STAB2: variants seen among roughly 807,000 people sequenced by gnomAD.
STAB2 encodes the protein stabilin-2.
A neutral mutation model predicts 338.1 loss-of-function variants in STAB2; 288 were observed. That is an observed-to-expected ratio of 0.85 (90% CI 0.77 to 0.94). The LOEUF (loss-of-function observed/expected upper bound fraction) is 0.94. STAB2 is among the 40% of genes least tolerant of loss of function. The pLI is 0.00. For synonymous variants in STAB2, 1,202 were observed against 1,193.3 expected (o/e 1.01, Z -0.15); for missense variants, 3,141 against 3,210.1 (o/e 0.98, Z 0.52).
At chr12:103,674,777 C>T (rs534718287) in intron 23 of STAB2, among the ~76,000 whole-genome samples, 2 of 152,212 alleles carry the variant, frequency 1.3e-5, no homozygotes, top group African/African-American at 2.4e-5. Flanking sequence ...TTGGTCCTCT[C>T]CTTGCACTGC....
At chr12:103,611,253 C>T (rs1401659962) in intron 3 of STAB2, among the ~76,000 whole-genome samples, 1 of 152,144 alleles carries the variant, frequency 6.6e-6, no homozygotes, top group Non-Finnish European at 1.5e-5. Flanking sequence ...TGTTAACTTT[C>T]TGTCTCGTTG....
chr12:103,678,633 TCTC>T (rs1291466529), intron 25 of STAB2, among the ~76,000 whole-genome samples: 1 of 152,132 alleles, frequency 6.6e-6, no homozygotes, highest in Non-Finnish European at 1.5e-5. Flanking sequence ...TTCATGCCAT[TCTC>T]CTGCCTCAGC....
intron 67 of STAB2, among the ~76,000 whole-genome samples, chr12:103,763,015 G>T (rs1884657767): frequency 1.3e-5 from 2 of 152,200 alleles, no homozygotes; most frequent in South Asian, 4.1e-4. Context: ...TAAAGGCTGT[G>T]GTGCAGAGCC....
At chr12:103,724,045 G>A (rs573254830) in intron 44 of STAB2, among the ~76,000 whole-genome samples, 1 of 152,202 alleles carries the variant, frequency 6.6e-6, no homozygotes, top group Non-Finnish European at 1.5e-5. Context: ...ACACTGCCAC[G>A]GACGGCAACA....
chr12:103,669,644 G>C lies in STAB2; in HGVS notation c.2259+17G>C, dbSNP rs376662696. On this transcript the variant is annotated intron_variant, in intron 21 of 68. Coordinates refer to ENST00000388887, the MANE Select transcript of STAB2 (RefSeq NM_017564.10). ...AATGGACAGGTGAATACTGAAGACT[G>C]GCCTTCCATAAGTCAAATCAAACAA... 2.4e-5 allele frequency: 38 copies of C among 1,606,668 alleles called. No homozygotes were observed. Among genetic ancestry groups the C allele is most frequent in the Non-Finnish European group, 3.1e-5 (36 of 1,173,914 alleles).
At chr12:103,677,298 T>C (rs1876471711) in intron 24 of STAB2, among the ~76,000 whole-genome samples, 155 bp from the exon 25 acceptor site, 1 of 152,252 alleles carries the variant, frequency 6.6e-6, no homozygotes, top group Non-Finnish European at 1.5e-5. Context: ...AATGACCTAA[T>C]CTTTTCATGA....
intron 44 of STAB2, among the ~76,000 whole-genome samples, chr12:103,722,813 G>T (rs1426110482): frequency 6.6e-6 from 1 of 152,142 alleles, no homozygotes; most frequent in African/African-American, 2.4e-5. Flanking sequence ...ATAGAGGGGA[G>T]GAAACCACTC....
intron 48 of STAB2, among the ~76,000 whole-genome samples, chr12:103,729,590 C>T (rs1157218705): frequency 1.3e-5 from 2 of 152,170 alleles, no homozygotes; most frequent in African/African-American, 2.4e-5. Flanking sequence ...AGTAACTTGT[C>T]CAAGGTCACA....
intron 17 of STAB2, among the ~76,000 whole-genome samples, chr12:103,661,970 C>G (rs1392499502): frequency 6.6e-6 from 1 of 152,010 alleles, no homozygotes; most frequent in Non-Finnish European, 1.5e-5. Flanking sequence ...AGAGGAGAAG[C>G]AGTTGGAGGA....
Position 103,728,911 on chromosome 12 carries a change from C to A in STAB2, c.4998C>A (p.Cys1666Ter). 6.2e-7 allele frequency: 1 copy of A among 1,614,000 alleles called. No individual in the cohort carries two copies. The highest frequency in any genetic ancestry group is 8.5e-7 in the Non-Finnish European group (1 of 1,179,872). The change falls in exon 48 of 69, where the codon TGC becomes TGA. Residue 1666 changes from cysteine (C) to a stop codon, truncating the protein, a stop_gained. Coordinates refer to ENST00000388887, the MANE Select transcript of STAB2 (RefSeq NM_017564.10). LOFTEE classifies it high-confidence loss of function. ...TTCTTCGGTACCATGTGGTCGCCTG[C>A]CACCAGCTGCTTCTGGAAAACCTGA... is the stretch of plus-strand genomic sequence containing the variant. ...PQVLRYHVVA[C>*]HQLLLENLKL...
chr12:103,719,466 C>T (rs1462817906), intron 44 of STAB2, among the ~76,000 whole-genome samples: 1 of 152,158 alleles, frequency 6.6e-6, no homozygotes, highest in East Asian at 1.9e-4. Flanking sequence ...GGACCAAATC[C>T]AAAATTAAGG....
chr12:103,733,945 A>G (rs1186854022), intron 51 of STAB2, among the ~76,000 whole-genome samples: 4 of 151,228 alleles, frequency 2.6e-5, no homozygotes, highest in Non-Finnish European at 4.4e-5. Flanking sequence ...GCATGATCAC[A>G]TAGGAGCAAG....
intron 36 of STAB2, chr12:103,704,906 A>G (rs1879209106): frequency 4.2e-6 from 1 of 236,978 alleles, no homozygotes; most frequent in Admixed American, 5.7e-5. Flanking sequence ...CGCAGCAAGA[A>G]ATCTTGTCAG....
chr12:103,655,171 A>C (rs1874087638), intron 13 of STAB2, 80 bp from the exon 14 acceptor site: 5 of 1,311,618 alleles, frequency 3.8e-6, no homozygotes, highest in South Asian at 1.3e-5. Flanking sequence ...CTCTGTCATC[A>C]GTCTTTAAAT....
intron 30 of STAB2, 113 bp from the exon 31 acceptor site, chr12:103,692,687 CTGTGGGTCTTGG>C (rs933743702): frequency 6.0e-6 from 4 of 666,462 alleles, no homozygotes; most frequent in Non-Finnish European, 1.0e-5. Context: ...GTATTTCTTA[CTGTGGGTCTTGG>C]CCCAAAAGTA....
chr12:103,743,325 A>G (rs1882742926), intron 56 of STAB2, among the ~76,000 whole-genome samples: 2 of 152,132 alleles, frequency 1.3e-5, no homozygotes, highest in Non-Finnish European at 2.9e-5. Flanking sequence ...GCCCGGCTGA[A>G]TATTTCTAAT....
intron 28 of STAB2, among the ~76,000 whole-genome samples, chr12:103,688,455 G>A (rs1052560439): frequency 7.2e-5 from 11 of 152,162 alleles, no homozygotes; most frequent in African/African-American, 2.7e-4. Context: ...CTGAGCATCA[G>A]TGTGTCGGGG....
In STAB2 at chr12:103,677,532, C is replaced by A; in HGVS notation, c.2726C>A (p.Ser909Ter). The A allele has an allele frequency of 6.2e-7, 1 of 1,614,164 alleles. No homozygotes were observed. The highest frequency in any genetic ancestry group is 1.1e-5 in the South Asian group (1 of 91,072). ...QGWTGNGRDC[S>*]EINNCLLPSA... ...TGGACAGGGAATGGGAGAGACTGCT[C>A]GGAGATCAACAACTGCCTGCTGCCC... is the stretch of plus-strand genomic sequence containing the variant. Residue 909 changes from serine to a stop codon, truncating the protein, a stop_gained, in exon 25 of 69, where the codon TCG becomes TAG. Transcript: ENST00000388887. LOFTEE classifies it high-confidence loss of function.
At chr12:103,662,511 C>T (rs1275078167) in intron 17 of STAB2, among the ~76,000 whole-genome samples, 1 of 152,170 alleles carries the variant, frequency 6.6e-6, no homozygotes, top group East Asian at 1.9e-4. Flanking sequence ...TGAATGGATC[C>T]CTATTTCACC....
Sources: allele counts gnomAD v4.1 joint callset (sites outside exome capture counted in the v4.1 genomes callset), GRCh38; gene constraint gnomAD v4.1.1; transcripts MANE v1.5; gene names NCBI Gene and HGNC (gene_info 2026-07-23, HGNC 2026-07-21).